ERC1: variants seen among roughly 807,000 people sequenced by gnomAD.
The protein encoded by ERC1 is RAB6 interacting protein 2.
ERC1 carries 56 observed loss-of-function variants against 132.0 expected under a neutral mutation model. That is an observed-to-expected ratio of 0.42 (90% CI 0.34 to 0.53). ERC1 has a LOEUF of 0.53. Among genes scored for constraint, ERC1 ranks in the 20% least tolerant of loss-of-function variants. ERC1 has a pLI of 0.03. For synonymous variants in ERC1, 478 were observed against 476.1 expected, an observed-to-expected ratio of 1.00 and a Z score of -0.05; for missense variants, 1,202 against 1,349.9, an observed-to-expected ratio of 0.89 and a Z score of 1.72.
At chr12:1,043,106 C>T (rs1257557243) in intron 2 of ERC1, among the ~76,000 whole-genome samples, 21 of 149,568 alleles carry the variant, frequency 1.4e-4, no homozygotes, top group Non-Finnish European at 2.7e-4. Flanking sequence ...TGCAGTGGCG[C>T]GATCTTGGCT....
chr12:1,462,667 T>C (rs570802058), intron 18 of ERC1, among the ~76,000 whole-genome samples: 2 of 152,280 alleles, frequency 1.3e-5, no homozygotes, highest in Admixed American at 6.5e-5. Flanking sequence ...TGATTACTTA[T>C]AGGAATTGAC....
chr12:1,466,081 A>G (rs905157901), intron 18 of ERC1, among the ~76,000 whole-genome samples: 1 of 152,152 alleles, frequency 6.6e-6, no homozygotes, highest in African/African-American at 2.4e-5. Flanking sequence ...CCAACACTGT[A>G]TTACCTTGCT....
intron 3 of ERC1, among the ~76,000 whole-genome samples, chr12:1,099,665 C>T (rs1439255351): frequency 1.3e-5 from 2 of 151,876 alleles, no homozygotes; most frequent in Non-Finnish European, 2.9e-5. Flanking sequence ...TGCTGATATA[C>T]ATCAGAGAAT....
At chr12:1,075,203 C>G (rs1225135398) in intron 2 of ERC1, among the ~76,000 whole-genome samples, 1 of 151,954 alleles carries the variant, frequency 6.6e-6, no homozygotes, top group Non-Finnish European at 1.5e-5. Flanking sequence ...AATTAGAATT[C>G]AGTTGACGTT....
chr12:1,354,831 G>A (rs73038675), intron 15 of ERC1, among the ~76,000 whole-genome samples: 4,817 of 152,106 alleles, frequency 0.032, 83 homozygotes, highest in Middle Eastern at 0.071. Context: ...TTGTAGAGAC[G>A]GGGTGTCACC....
At chr12:1,274,294 G>C (rs574481288) in intron 14 of ERC1, among the ~76,000 whole-genome samples, 148 of 152,248 alleles carry the variant, frequency 9.7e-4, no homozygotes, top group South Asian at 3.9e-3. Context: ...AACCAAATGA[G>C]TATGGTCCTT....
chr12:1,470,238 T>C (rs2093830961), intron 18 of ERC1, among the ~76,000 whole-genome samples: 1 of 151,876 alleles, frequency 6.6e-6, no homozygotes, highest in African/African-American at 2.4e-5. Context: ...AGTGCAACCC[T>C]GGACGTAGAG....
chr12:1,425,792 C>T (rs750386366), intron 17 of ERC1, among the ~76,000 whole-genome samples: 50 of 152,218 alleles, frequency 3.3e-4, no homozygotes, highest in South Asian at 2.1e-3. Flanking sequence ...TGTTTTTCTG[C>T]GTAACATGAA....
intron 15 of ERC1, among the ~76,000 whole-genome samples, chr12:1,319,064 C>A (rs891915562): frequency 2.8e-4 from 43 of 152,286 alleles, no homozygotes; most frequent in African/African-American, 8.2e-4. Context: ...GGAAGGTTCA[C>A]AAAGCACAGA....
intron 4 of ERC1, among the ~76,000 whole-genome samples, chr12:1,105,782 A>G (rs1945196149): frequency 6.6e-6 from 1 of 152,206 alleles, no homozygotes; most frequent in Non-Finnish European, 1.5e-5. Context: ...GACAAATATT[A>G]ATATAATGAC....
intron 18 of ERC1, among the ~76,000 whole-genome samples, chr12:1,445,390 C>T (rs560184434): frequency 1.6e-4 from 24 of 151,974 alleles, no homozygotes; most frequent in Admixed American, 3.9e-4. Context: ...CCAACATGCC[C>T]GGCTAGTTTT....
At chr12:1,196,961 CATATAT>C (rs1298930775) in intron 12 of ERC1, among the ~76,000 whole-genome samples, 7 of 17,928 alleles carry the variant, frequency 3.9e-4, no homozygotes, top group African/African-American at 1.9e-3. Context: ...CACACACACA[CATATAT>C]ATATATATAT....
At chr12:1,402,151 G>A (rs1291269859) in intron 16 of ERC1, among the ~76,000 whole-genome samples, 1 of 152,156 alleles carries the variant, frequency 6.6e-6, no homozygotes, top group Non-Finnish European at 1.5e-5. Flanking sequence ...TTTAGAACAG[G>A]GAAAAACACT....
At chr12:1,067,047 A>G (rs1262959035) in intron 2 of ERC1, among the ~76,000 whole-genome samples, 1 of 152,108 alleles carries the variant, frequency 6.6e-6, no homozygotes, top group South Asian at 2.1e-4. Flanking sequence ...GGCTCAAGCA[A>G]TCTGCCTGCC....
At chr12:1,258,652 C>T (rs1417619259) in intron 13 of ERC1, among the ~76,000 whole-genome samples, 1 of 152,160 alleles carries the variant, frequency 6.6e-6, no homozygotes, top group Non-Finnish European at 1.5e-5. Context: ...TTTAAATCTT[C>T]AGAATCTTCA....
chr12:1,295,623 C>T (rs2079860339), intron 15 of ERC1, among the ~76,000 whole-genome samples: 1 of 151,912 alleles, frequency 6.6e-6, no homozygotes, highest in Non-Finnish European at 1.5e-5. Context: ...GAACAAGGAC[C>T]ATGCTCTAAT....
In ERC1 at chr12:1,295,002, C is replaced by T. The variant is rs2079804730; in HGVS notation, c.2780+4990C>T. Among the ~76,000 whole-genome samples, 3 of 152,252 alleles carry T rather than the reference C, an allele frequency of 2.0e-5. No homozygotes were observed. The South Asian group carries it at 6.2e-4, about 32-fold the overall frequency. ...GAATGAAAGAGGATTAGAAGATGGT[C>T]TGTGTAGCAAAGGATTTGCTTACAT... On this transcript the variant is annotated intron_variant, in intron 15 of 18. Coordinates refer to ENST00000360905, the MANE Select transcript of ERC1 (RefSeq NM_178040.4).
chr12:1,400,916 A>ATTATTTTTTTTTTT (rs2090981093), intron 16 of ERC1, among the ~76,000 whole-genome samples: 5 of 15,040 alleles, frequency 3.3e-4, no homozygotes, highest in African/African-American at 1.5e-3. Flanking sequence ...CTATTTTTGT[A>ATTATTTTTTTTTTT]TTTTTTTTTT....
In ERC1 at chr12:1,440,416, C is replaced by A. The variant is rs376408007; in HGVS notation, c.3025-4146C>A. 9.9e-5 allele frequency among the ~76,000 whole-genome samples: 15 copies of A among 150,780 alleles called. 1 individual carries two copies. The highest frequency in any genetic ancestry group is 4.2e-4 in the South Asian group (2 of 4,794). On this transcript the variant is annotated intron_variant, in intron 17 of 18. Transcript: ENST00000360905. ...AGAGACGGGGTTTCACCGTGTTAGC[C>A]AGGATGGTCTCGATCTCCTGACCTC...
Sources: allele counts gnomAD v4.1 joint callset (sites outside exome capture counted in the v4.1 genomes callset), GRCh38; gene constraint gnomAD v4.1.1; transcripts MANE v1.5; gene names NCBI Gene and HGNC (gene_info 2026-07-23, HGNC 2026-07-21).